The following ENTPD1 variants were observed in gnomAD, a reference collection of about 807,000 sequenced individuals.
The protein encoded by ENTPD1 is ATP diphosphohydrolase.
In ENTPD1, 33 loss-of-function variants were observed where a neutral mutation model predicts 57.0. The ratio of observed to expected loss-of-function variants is 0.58; its 90% CI spans 0.44 to 0.77. ENTPD1 has a LOEUF of 0.77. ENTPD1 is among the 30% of genes least tolerant of loss of function. ENTPD1 has a pLI of 0.00. For synonymous variants in ENTPD1, 202 were observed against 218.8 expected, an observed-to-expected ratio of 0.92 and a Z score of 0.68; for missense variants, 501 against 603.4, an observed-to-expected ratio of 0.83 and a Z score of 1.78.
chr10:95,760,561 C>CG (rs2098053314), intron 1 of ENTPD1, among the ~76,000 whole-genome samples: 1 of 152,142 alleles, frequency 6.6e-6, no homozygotes, highest in African/African-American at 2.4e-5. Context: ...GATTGCACTG[C>CG]GGGGTAATAA....
intron 1 of ENTPD1, among the ~76,000 whole-genome samples, chr10:95,807,289 G>C (rs1194063889): frequency 2.6e-5 from 4 of 152,228 alleles, no homozygotes; most frequent in Non-Finnish European, 5.9e-5. Context: ...AGTGAACAAG[G>C]CTCCGTGGGT....
At chr10:95,796,495 A>G (rs777002770) in intron 1 of ENTPD1, among the ~76,000 whole-genome samples, 1 of 152,216 alleles carries the variant, frequency 6.6e-6, no homozygotes, top group Non-Finnish European at 1.5e-5. Flanking sequence ...ACATTTTACT[A>G]TAAGGCAGGA....
chr10:95,779,052 T>G (rs979528871), intron 1 of ENTPD1, among the ~76,000 whole-genome samples: 2 of 152,208 alleles, frequency 1.3e-5, no homozygotes, highest in African/African-American at 4.8e-5. Flanking sequence ...GATTCTCTGT[T>G]GAATCCTTAA....
In ENTPD1 at chr10:95,872,771, G is replaced by C. The variant is rs2098481895; in HGVS notation, c.*6388G>C. The C allele has an allele frequency of 1.0e-6, 1 of 985,326 alleles. No homozygotes were observed. The highest frequency in any genetic ancestry group is 1.2e-6 in the Non-Finnish European group (1 of 829,948). 61.0% of individuals were successfully genotyped at this position (985,326 alleles called of 1,614,324 possible). A position where few individuals can be genotyped will look rare whatever the true frequency, so the allele number is the denominator to read the frequency against. ...GCTGGCGAGCTGGTCCGCACCACTA[G>C]TTCTGCTTCACTCTATTTATCTCTT... is the stretch of plus-strand genomic sequence containing the variant. On this transcript the variant is annotated 3_prime_UTR_variant, in exon 10 of 10. Transcript: ENST00000371205.
chr10:95,714,609 T>G (rs1021467188), intron 1 of ENTPD1, among the ~76,000 whole-genome samples: 1 of 152,200 alleles, frequency 6.6e-6, no homozygotes, highest in African/African-American at 2.4e-5. Context: ...CTTATAACAC[T>G]TTATGATATT....
chr10:95,778,525 AAT>A (rs1410165522), intron 1 of ENTPD1, among the ~76,000 whole-genome samples: 1 of 152,212 alleles, frequency 6.6e-6, no homozygotes, highest in East Asian at 1.9e-4. Context: ...TGGGGAAACT[AAT>A]ATTCCCTAAC....
chr10:95,755,590 T>C, upstream of ENTPD1: 3 of 1,066,420 alleles, frequency 2.8e-6, no homozygotes, highest in Non-Finnish European at 4.1e-6. Context: ...TCCTCTGTGG[T>C]TCCACCCAGC....
chr10:95,824,182 T>C, intron 2 of ENTPD1, among the ~76,000 whole-genome samples: 1 of 152,242 alleles, frequency 6.6e-6, no homozygotes, highest in East Asian at 1.9e-4. Flanking sequence ...TCACTGAAAT[T>C]ATAGTAAACA....
intron 1 of ENTPD1, among the ~76,000 whole-genome samples, chr10:95,790,586 AAACT>A (rs2098199697): frequency 6.6e-6 from 1 of 152,210 alleles, no homozygotes; most frequent in African/African-American, 2.4e-5. Flanking sequence ...CCATCATTAC[AAACT>A]ATCAATATTC....
At chr10:95,766,188 C>A (rs902719878) in intron 1 of ENTPD1, among the ~76,000 whole-genome samples, 2 of 152,130 alleles carry the variant, frequency 1.3e-5, no homozygotes, top group Admixed American at 6.5e-5. Flanking sequence ...GTTCCTGAAC[C>A]ATTTGAGAAT....
chr10:95,752,995 TA>T (rs1163006784), upstream of ENTPD1, among the ~76,000 whole-genome samples: 1 of 152,162 alleles, frequency 6.6e-6, no homozygotes, highest in Non-Finnish European at 1.5e-5. Context: ...TTTATATGCA[TA>T]GGGGGATGAA....
chr10:95,716,879 A>C (rs1470579782), intron 1 of ENTPD1, among the ~76,000 whole-genome samples: 1 of 152,232 alleles, frequency 6.6e-6, no homozygotes, highest in African/African-American at 2.4e-5. Context: ...GTCTTCTGAC[A>C]CTGAGCCATT....
rs538444010 is a variant in ENTPD1 at position 95,804,458 on chromosome 10, G to A, written c.17-18779G>A. 2.0e-5 allele frequency among the ~76,000 whole-genome samples: 3 copies of A among 152,306 alleles called. No individual in the cohort carries two copies. The East Asian group carries it at 5.8e-4, about 29-fold the overall frequency. Reference sequence around the variant, plus strand: ...ATTCTCTTTGAAGCAATTGTGAATAGGAGTTCACTCATGATTTGGCTCTCT... The same window carrying A: ...ATTCTCTTTGAAGCAATTGTGAATAAGAGTTCACTCATGATTTGGCTCTCT... On this transcript the variant is annotated intron_variant, in intron 1 of 9. Coordinates refer to ENST00000371205, the MANE Select transcript of ENTPD1 (RefSeq NM_001776.6).
the ENTPD1 span, among the ~76,000 whole-genome samples, chr10:95,696,342 G>A: frequency 2.0e-5 from 3 of 152,060 alleles, no homozygotes; most frequent in Admixed American, 6.5e-5. Flanking sequence ...GTGCAGTGGC[G>A]CCATCTTGGC....
chr10:95,866,483 A>G lies in ENTPD1; in HGVS notation c.*100A>G. On this transcript the variant is annotated 3_prime_UTR_variant, in exon 10 of 10. Coordinates refer to ENST00000371205, the MANE Select transcript of ENTPD1 (RefSeq NM_001776.6). ...TCAAGGCCATCCTTCCCTGTCTGCC[A>G]GGGCCAGTCTTGACGAGTGTGAAGC... The G allele has an allele frequency of 6.4e-7, 1 of 1,562,190 alleles. No individual in the cohort carries two copies. Among genetic ancestry groups the G allele is most frequent in the Non-Finnish European group, 8.7e-7 (1 of 1,154,416 alleles).
intron 1 of ENTPD1, among the ~76,000 whole-genome samples, chr10:95,727,836 T>C (rs1391003298): frequency 6.6e-6 from 1 of 152,232 alleles, no homozygotes; most frequent in Non-Finnish European, 1.5e-5. Flanking sequence ...TGGTTACTCC[T>C]AGCAGTCTGA....
At chr10:95,804,448 A>G (rs148425279) in intron 1 of ENTPD1, among the ~76,000 whole-genome samples, 45 of 152,336 alleles carry the variant, frequency 3.0e-4, no homozygotes, top group African/African-American at 9.4e-4. Flanking sequence ...CTTTGAAGCA[A>G]TTGTGAATAG....
rs1383592809 is a variant in ENTPD1, at chr10:95,872,948, A to G, written c.*6565A>G. On this transcript the variant is annotated 3_prime_UTR_variant, in exon 10 of 10. Coordinates refer to ENST00000371205, the MANE Select transcript of ENTPD1 (RefSeq NM_001776.6). ...TTTGCCATGCAGCACTTCATTGTAC[A>G]CATTATTAAAACAGAATTTTAAGGA... The G allele has an allele frequency of 6.9e-5, 68 of 985,334 alleles. No individual in the cohort carries two copies. Among genetic ancestry groups the G allele is most frequent in the Non-Finnish European group, 8.1e-5 (67 of 829,934 alleles). The allele number at this position is 985,334 out of a possible 1,614,324, so 61.0% of individuals were successfully genotyped here.
At chr10:95,712,109 G>A in intron 1 of ENTPD1, 3 of 1,475,352 alleles carry the variant, frequency 2.0e-6, no homozygotes, top group Admixed American at 1.9e-5. Context: ...TGATTAATGA[G>A]AAAAAAGGAT....
Sources: allele counts gnomAD v4.1 joint callset (sites outside exome capture counted in the v4.1 genomes callset), GRCh38; gene constraint gnomAD v4.1.1; transcripts MANE v1.5; gene names NCBI Gene and HGNC (gene_info 2026-07-23, HGNC 2026-07-21).